KALRN: variants seen among roughly 807,000 people sequenced by gnomAD.
KALRN encodes kalirin.
A neutral mutation model predicts 353.7 loss-of-function variants in KALRN; 70 were observed. That is an observed-to-expected ratio of 0.20 (90% CI 0.16 to 0.24). The LOEUF is 0.24. Ranked by LOEUF, KALRN falls within the 10% of genes least tolerant of loss-of-function variation. The probability of loss-of-function intolerance (pLI) is 1.00; values close to 1 mark genes in which losing one functional copy is unlikely to be tolerated. For missense variants in KALRN, 2,791 were observed against 3,756.7 expected (o/e 0.74, Z 6.72); for synonymous variants, 1,391 against 1,434.8 (o/e 0.97, Z 0.69).
intron 25 of KALRN, among the ~76,000 whole-genome samples, chr3:124,471,788 C>T (rs561398292): frequency 1.3e-5 from 2 of 151,596 alleles, no homozygotes; most frequent in South Asian, 2.1e-4. Flanking sequence ...ATGGTGAAAC[C>T]GTGTCTCTAC....
In KALRN at chr3:124,495,957, G is replaced by GTGTGTATATA. The variant is rs1377097482; in HGVS notation, c.4833-353_4833-352insGTGTATATAT. ...GACCCGTTCCCAAGTGTGTGTATGT[G>GTGTGTATATA]TATGTATGTATATATATATATATAT... On this transcript the variant is annotated intron_variant, in intron 32 of 59. Coordinates refer to ENST00000682506, the MANE Select transcript of KALRN (RefSeq NM_001388419.1). Among the ~76,000 whole-genome samples, 35 of 44,222 alleles carry GTGTGTATATA rather than the reference G, an allele frequency of 7.9e-4. 3 individuals are homozygous for GTGTGTATATA. Among genetic ancestry groups the GTGTGTATATA allele is most frequent in the Non-Finnish European group, 1.3e-3 (29 of 23,050 alleles). 29.0% of individuals were successfully genotyped at this position (44,222 alleles called of 152,430 possible). A position where few individuals can be genotyped will look rare whatever the true frequency, so the allele number is the denominator to read the frequency against.
chr3:124,329,710 G>C (rs1323968117), intron 7 of KALRN, 151 bp from the exon 8 acceptor site: 4 of 769,284 alleles, frequency 5.2e-6, no homozygotes, highest in Middle Eastern at 2.5e-4. Flanking sequence ...AGTGTTCATA[G>C]AATTAAAAAA....
intron 6 of KALRN, among the ~76,000 whole-genome samples, chr3:124,315,480 C>G (rs1048521635): frequency 1.3e-5 from 2 of 152,174 alleles, no homozygotes; most frequent in Non-Finnish European, 2.9e-5. Context: ...TATTGCTTAT[C>G]CCCTTCAGAC....
chr3:124,669,565 CT>C (rs557155384), intron 47 of KALRN, among the ~76,000 whole-genome samples: 1 of 152,214 alleles, frequency 6.6e-6, no homozygotes, highest in Non-Finnish European at 1.5e-5. Flanking sequence ...ATAAGGCCTA[CT>C]TTATAACTCT....
chr3:124,711,182 A>AT (rs201111129), intron 57 of KALRN, among the ~76,000 whole-genome samples: 1 of 114,182 alleles, frequency 8.8e-6, no homozygotes, highest in Non-Finnish European at 1.9e-5. Flanking sequence ...TTAGTACATT[A>AT]TTTTTTTAAA....
At chr3:124,300,282 A>C (rs1318077532) in intron 6 of KALRN, among the ~76,000 whole-genome samples, 1 of 152,210 alleles carries the variant, frequency 6.6e-6, no homozygotes, top group East Asian at 1.9e-4. Flanking sequence ...GTGCAGCTTG[A>C]TATGTGCAGT....
intron 33 of KALRN, among the ~76,000 whole-genome samples, chr3:124,522,947 A>G (rs2067285460): frequency 6.6e-6 from 1 of 152,338 alleles, no homozygotes; most frequent in South Asian, 2.1e-4. Flanking sequence ...GAATTAAACA[A>G]GGGATGTGTC....
intron 1 of KALRN, among the ~76,000 whole-genome samples, chr3:124,051,378 T>C (rs1451949974): frequency 6.6e-6 from 1 of 152,226 alleles, no homozygotes; most frequent in Non-Finnish European, 1.5e-5. Flanking sequence ...CTCCTTACTT[T>C]GCTAGGATCT....
chr3:124,630,625 G>A (rs1182468503), intron 34 of KALRN, among the ~76,000 whole-genome samples: 1 of 152,102 alleles, frequency 6.6e-6, no homozygotes, highest in African/African-American at 2.4e-5. Flanking sequence ...TTGCCCCTAT[G>A]AGCTGTATGT....
intron 21 of KALRN, among the ~76,000 whole-genome samples, chr3:124,449,637 T>C (rs1482400654): frequency 6.6e-6 from 1 of 152,250 alleles, no homozygotes; most frequent in Non-Finnish European, 1.5e-5. Context: ...TTGCCACTGT[T>C]TCATTCCAGA....
chr3:124,202,367 CA>C (rs1228104086), intron 1 of KALRN, among the ~76,000 whole-genome samples: 2 of 152,156 alleles, frequency 1.3e-5, no homozygotes, highest in Non-Finnish European at 2.9e-5. Flanking sequence ...TTTCCCACCT[CA>C]CCCTCCCAAG....
At chr3:124,274,462 G>T (rs71332730) in intron 5 of KALRN, among the ~76,000 whole-genome samples, 1 of 152,316 alleles carries the variant, frequency 6.6e-6, no homozygotes, top group Admixed American at 6.5e-5. Flanking sequence ...AATAAAGGAA[G>T]CTCTACTGAT....
At chr3:124,601,814 G>A (rs1430638011) in intron 34 of KALRN, among the ~76,000 whole-genome samples, 1 of 151,930 alleles carries the variant, frequency 6.6e-6, no homozygotes, top group Non-Finnish European at 1.5e-5. Context: ...TGGATTGCTT[G>A]AGCCCAGGTG....
chr3:124,582,090 C>T (rs897013355), intron 34 of KALRN, among the ~76,000 whole-genome samples: 12 of 151,084 alleles, frequency 7.9e-5, no homozygotes, highest in South Asian at 2.1e-4. Flanking sequence ...GTGCGATCTC[C>T]GCTCACTGCA....
At chr3:124,649,372 A>G (rs79139593) in intron 37 of KALRN, among the ~76,000 whole-genome samples, 1 of 152,168 alleles carries the variant, frequency 6.6e-6, no homozygotes. Context: ...TTTGGACTGC[A>G]TTTTTTTAAA....
intron 6 of KALRN, among the ~76,000 whole-genome samples, chr3:124,309,526 C>A (rs1476816066): frequency 6.6e-6 from 1 of 152,080 alleles, no homozygotes; most frequent in Non-Finnish European, 1.5e-5. Flanking sequence ...CGTGTCATTG[C>A]ACTCCAGCCT....
chr3:124,091,644 C>A, intron 1 of KALRN, among the ~76,000 whole-genome samples: 1 of 152,120 alleles, frequency 6.6e-6, no homozygotes, highest in East Asian at 1.9e-4. Context: ...GGGCATCAGC[C>A]CTCTGGAGTG....
intron 5 of KALRN, among the ~76,000 whole-genome samples, chr3:124,277,628 C>T (rs1252001136): frequency 6.6e-6 from 1 of 152,220 alleles, no homozygotes; most frequent in African/African-American, 2.4e-5. Flanking sequence ...CTCCTTTCTT[C>T]CCTCTCCTGC....
intron 39 of KALRN, 22 bp downstream of exon 39, chr3:124,655,689 G>A (rs763529291): frequency 1.9e-6 from 3 of 1,601,424 alleles, no homozygotes; most frequent in Non-Finnish European, 2.6e-6. Flanking sequence ...GTTCCAGGTG[G>A]GTCTGTGGTC....
Sources: allele counts gnomAD v4.1 joint callset (sites outside exome capture counted in the v4.1 genomes callset), GRCh38; gene constraint gnomAD v4.1.1; transcripts MANE v1.5; gene names NCBI Gene and HGNC (gene_info 2026-07-23, HGNC 2026-07-21).